The following RTN4 variants were observed in gnomAD, a reference collection of about 807,000 sequenced individuals.
The protein encoded by RTN4 is reticulon 4.
In RTN4, 32 loss-of-function variants were observed where a neutral mutation model predicts 90.4. The ratio of observed to expected loss-of-function variants is 0.35; its 90% CI spans 0.27 to 0.48. The LOEUF is 0.48. Ranked by LOEUF, RTN4 falls within the 20% of genes least tolerant of loss-of-function variation. RTN4 has a pLI of 0.99. For synonymous variants in RTN4, 629 were observed against 552.5 expected, an observed-to-expected ratio of 1.14 and a Z score of -1.94; for missense variants, 1,706 against 1,430.2, an observed-to-expected ratio of 1.19 and a Z score of -3.11.
chr2:55,125,558 G>A, the RTN4 span, among the ~76,000 whole-genome samples: 1 of 152,222 alleles, frequency 6.6e-6, no homozygotes, highest in Admixed American at 6.5e-5. Context: ...TTGAGGTTAT[G>A]AGTTCGAGAC....
chr2:55,007,963 A>T (rs1171313446), intron 3 of RTN4, among the ~76,000 whole-genome samples: 1 of 152,082 alleles, frequency 6.6e-6, no homozygotes, highest in African/African-American at 2.4e-5. Flanking sequence ...GCTCCTAAAA[A>T]TCTTTTGACT....
chr2:55,132,355 T>C, the RTN4 span, among the ~76,000 whole-genome samples: 1 of 151,536 alleles, frequency 6.6e-6, no homozygotes, highest in Non-Finnish European at 1.5e-5. Flanking sequence ...ATACAAAAAT[T>C]AGCCGGGTGT....
chr2:55,025,796 T>G lies in RTN4; in HGVS notation c.2303A>C (p.Lys768Thr). ...QKQDETVMLVKESLTETSFES... is the reference protein window; with the variant it reads ...QKQDETVMLVTESLTETSFES... Reference sequence around the variant, plus strand: ...AAATGAAGTCTCAGTGAGACTTTCTTTCACAAGCATCACAGTTTCATCTTG... The same window carrying G: ...AAATGAAGTCTCAGTGAGACTTTCTGTCACAAGCATCACAGTTTCATCTTG... Residue 768 changes from lysine to threonine, a missense_variant, in exon 3 of 9, where the codon AAA (lysine) becomes ACA (threonine). By Grantham distance (78) the Lys-to-Thr change is moderately conservative. Transcript: ENST00000337526. The G allele has an allele frequency of 6.2e-7, 1 of 1,613,658 alleles. No individual in the cohort carries two copies.
chr2:55,090,139 G>A (rs1037535253), intron 1 of RTN4, among the ~76,000 whole-genome samples: 19 of 152,180 alleles, frequency 1.2e-4, no homozygotes, highest in African/African-American at 4.3e-4. Context: ...GGATGGGGCT[G>A]TTTTGAGTGG....
chr2:55,008,247 G>A (rs919182507), intron 3 of RTN4, among the ~76,000 whole-genome samples: 2 of 151,680 alleles, frequency 1.3e-5, no homozygotes, highest in South Asian at 2.1e-4. Context: ...TGGTCAGGGG[G>A]AGAATGCAGT....
chr2:55,063,013 T>C (rs541075914), intron 2 of RTN4, among the ~76,000 whole-genome samples: 9 of 152,312 alleles, frequency 5.9e-5, no homozygotes, highest in Non-Finnish European at 1.0e-4. Context: ...TTTGGTGGAA[T>C]AGCTAGAGGG....
intron 3 of RTN4, among the ~76,000 whole-genome samples, chr2:55,001,429 T>C (rs549481586): frequency 6.6e-6 from 1 of 152,208 alleles, no homozygotes; most frequent in Non-Finnish European, 1.5e-5. Context: ...AAGTTTAGTA[T>C]TGTTAAATGG....
the RTN4 span, among the ~76,000 whole-genome samples, chr2:55,132,208 T>C: frequency 4.7e-4 from 72 of 152,258 alleles, no homozygotes; most frequent in Non-Finnish European, 6.8e-4. Context: ...TTTATGTGTG[T>C]TTGAAACTTT....
chr2:55,035,478 TAGAG>T lies in RTN4; in HGVS notation c.557-7262_557-7259del, dbSNP rs201332659. Among the ~76,000 whole-genome samples the T allele has an allele frequency of 1.8e-3, 267 of 152,200 alleles. 10 individuals are homozygous for T. The East Asian group carries it at 0.043, about 25-fold the overall frequency. ...GTGTGGGATGCAGCAAAGTAATGCT[TAGAG>T]AGAAATGTATAGCTTTTAAATGCTT... On this transcript the variant is annotated intron_variant, in intron 1 of 8. Transcript: ENST00000337526.
intron 3 of RTN4, among the ~76,000 whole-genome samples, chr2:54,993,192 T>G (rs1679163177): frequency 6.6e-6 from 1 of 152,184 alleles, no homozygotes; most frequent in Non-Finnish European, 1.5e-5. Context: ...TTTTACTTGC[T>G]TCTTTACTCT....
At chr2:55,021,219 A>G (rs1274012074) in intron 3 of RTN4, among the ~76,000 whole-genome samples, 2 of 152,136 alleles carry the variant, frequency 1.3e-5, no homozygotes, top group South Asian at 4.1e-4. Context: ...ATTTTGGTAC[A>G]TTTGACTTCA....
chr2:54,972,976 A>G lies in RTN4; in HGVS notation c.*180T>C. On this transcript the variant is annotated 3_prime_UTR_variant, in exon 9 of 9. Coordinates refer to ENST00000337526, the MANE Select transcript of RTN4 (RefSeq NM_020532.5). ...GCTTACAATACTTAAGATGATGAAC[A>G]CATGGCAGTCAAGACAGGTAATTTT... 1.9e-6 allele frequency: 1 copy of G among 520,412 alleles called. No homozygotes were observed. Among genetic ancestry groups the G allele is most frequent in the Non-Finnish European group, 3.5e-6 (1 of 287,704 alleles). 32.2% of individuals were successfully genotyped at this position (520,412 alleles called of 1,614,324 possible).
intron 2 of RTN4, among the ~76,000 whole-genome samples, chr2:55,077,784 CACACACACAG>C (rs1668630298): frequency 6.6e-6 from 1 of 151,692 alleles, no homozygotes; most frequent in Admixed American, 6.6e-5. Flanking sequence ...CACACACACA[CACACACACAG>C]ACACACCATA....
rs750787636 is a variant in RTN4 at position 54,973,792 on chromosome 2, C to G, written c.3477+29G>C. ...CATGTAATAGAGTGAGTGCTCTATT[C>G]TGAAGTCAGCAGTTAGTTAGGAAAT... is the stretch of plus-strand genomic sequence containing the variant. On this transcript the variant is annotated intron_variant, in intron 7 of 8. Coordinates refer to ENST00000337526, the MANE Select transcript of RTN4 (RefSeq NM_020532.5). The G allele has an allele frequency of 7.5e-6, 12 of 1,604,004 alleles. No individual in the cohort carries two copies. The East Asian group carries it at 2.5e-4, about 33-fold the overall frequency.
intron 4 of RTN4, among the ~76,000 whole-genome samples, chr2:54,983,333 A>G (rs1678295890): frequency 6.6e-6 from 1 of 151,242 alleles, no homozygotes; most frequent in South Asian, 2.1e-4. Flanking sequence ...ATAAATAAAT[A>G]AATAAATAAA....
upstream of RTN4, among the ~76,000 whole-genome samples, chr2:55,114,405 T>C (rs766229557): frequency 6.6e-6 from 1 of 152,156 alleles, no homozygotes; most frequent in Non-Finnish European, 1.5e-5. Flanking sequence ...TGATGTCTCC[T>C]GATTAACTCC....
the RTN4 span, among the ~76,000 whole-genome samples, chr2:55,132,590 C>A: frequency 6.7e-6 from 1 of 149,838 alleles, no homozygotes; most frequent in Non-Finnish European, 1.5e-5. Flanking sequence ...GGGAGGCAGG[C>A]TGCTTGAGCC....
chr2:54,985,809 T>C (rs1006291782), intron 4 of RTN4, among the ~76,000 whole-genome samples: 5 of 152,262 alleles, frequency 3.3e-5, no homozygotes, highest in Admixed American at 6.5e-5. Flanking sequence ...GGTAGGTACA[T>C]AGTCATATGC....
At chr2:55,039,230 C>G (rs753067788) in intron 1 of RTN4, among the ~76,000 whole-genome samples, 6 of 152,102 alleles carry the variant, frequency 3.9e-5, no homozygotes, top group Non-Finnish European at 8.8e-5. Flanking sequence ...AAATGTAAAA[C>G]TGTTGAAACT....
Sources: gnomAD v4.1 joint callset for allele counts (sites outside exome capture counted in the v4.1 genomes callset) on GRCh38, gnomAD v4.1.1 for gene constraint, MANE v1.5 for transcripts, NCBI Gene and HGNC (gene_info 2026-07-23, HGNC 2026-07-21) for gene names.